Variants in FBXL17 observed in about 807,000 individuals in gnomAD.
FBXL17 encodes the protein F-box and leucine rich repeat protein 17, also known as F-box/LRR-repeat protein 17.
Under a neutral mutation model 66.2 loss-of-function variants are expected in FBXL17, and 22 were observed. The ratio of observed to expected loss-of-function variants is 0.33; its 90% CI spans 0.24 to 0.47. The LOEUF (loss-of-function observed/expected upper bound fraction) is 0.47. FBXL17 is among the 20% of genes least tolerant of loss of function. FBXL17 has a pLI of 1.00. For synonymous variants in FBXL17, 474 were observed against 400.5 expected, an observed-to-expected ratio of 1.18 and a Z score of -2.19; for missense variants, 878 against 948.2, an observed-to-expected ratio of 0.93 and a Z score of 0.97.
intron 3 of FBXL17, among the ~76,000 whole-genome samples, chr5:108,354,612 CCAAACTA>C (rs1747850262): frequency 6.6e-6 from 1 of 151,416 alleles, no homozygotes; most frequent in South Asian, 2.1e-4. Context: ...AGATCAGATA[CCAAACTA>C]CAGACCCAAG....
At chr5:107,986,462 T>C (rs1753016273) in intron 7 of FBXL17, among the ~76,000 whole-genome samples, 3 of 151,670 alleles carry the variant, frequency 2.0e-5, no homozygotes, top group Admixed American at 6.6e-5. Flanking sequence ...TATATTAATA[T>C]ATATTTATCA....
At chr5:108,038,162 G>A (rs747902542) in intron 6 of FBXL17, among the ~76,000 whole-genome samples, 3 of 152,088 alleles carry the variant, frequency 2.0e-5, no homozygotes, top group Non-Finnish European at 4.4e-5. Flanking sequence ...TGAAACACTT[G>A]ACCTAACTTG....
At chr5:108,108,714 A>G (rs1468599610) in intron 6 of FBXL17, among the ~76,000 whole-genome samples, 1 of 152,122 alleles carries the variant, frequency 6.6e-6, no homozygotes, top group East Asian at 1.9e-4. Flanking sequence ...CTTACTTAAA[A>G]CAAGGCAAGT....
chr5:108,226,979 T>C (rs1043190686), intron 4 of FBXL17, among the ~76,000 whole-genome samples: 4 of 152,158 alleles, frequency 2.6e-5, no homozygotes, highest in Non-Finnish European at 5.9e-5. Flanking sequence ...GTACTCTAGA[T>C]TGACAAATGG....
intron 7 of FBXL17, among the ~76,000 whole-genome samples, chr5:107,987,896 A>G (rs1351475859): frequency 6.6e-6 from 1 of 152,032 alleles, no homozygotes; most frequent in Admixed American, 6.6e-5. Flanking sequence ...TACAGGATGC[A>G]TTAGATGAAA....
intron 7 of FBXL17, among the ~76,000 whole-genome samples, chr5:107,984,211 C>G (rs1215006054): frequency 6.6e-6 from 1 of 151,986 alleles, no homozygotes. Flanking sequence ...TAGTAACTTC[C>G]CACAGCTGTT....
chr5:108,006,920 T>C (rs1753947750), intron 7 of FBXL17, among the ~76,000 whole-genome samples: 1 of 152,206 alleles, frequency 6.6e-6, no homozygotes, highest in African/African-American at 2.4e-5. Flanking sequence ...CACAGTGGCA[T>C]TCCAAACCAA....
At chr5:107,907,783 AG>A (rs1484862018) in intron 7 of FBXL17, among the ~76,000 whole-genome samples, 2 of 152,198 alleles carry the variant, frequency 1.3e-5, no homozygotes, top group African/African-American at 4.8e-5. Context: ...ATCATTAAAA[AG>A]TCAGGAAACA....
At chr5:108,018,787 T>C (rs1754477835) in intron 7 of FBXL17, among the ~76,000 whole-genome samples, 1 of 152,158 alleles carries the variant, frequency 6.6e-6, no homozygotes, top group Non-Finnish European at 1.5e-5. Context: ...TCCGCTCAAA[T>C]GGACAAGATC....
At chr5:108,373,505 G>A (rs544023304) in intron 1 of FBXL17, among the ~76,000 whole-genome samples, 9 of 150,806 alleles carry the variant, frequency 6.0e-5, no homozygotes, top group Non-Finnish European at 1.2e-4. Context: ...AGCATCAGAG[G>A]AATTGACAAA....
At chr5:107,874,672 C>G (rs972062476) in intron 8 of FBXL17, among the ~76,000 whole-genome samples, 3 of 152,090 alleles carry the variant, frequency 2.0e-5, no homozygotes, top group Non-Finnish European at 2.9e-5. Context: ...CCGGAAAGGA[C>G]TTTTAGTTAC....
chr5:108,362,214 T>C (rs73781340), intron 3 of FBXL17, among the ~76,000 whole-genome samples: 7,921 of 152,232 alleles, frequency 0.052, 697 homozygotes, highest in African/African-American at 0.18. Context: ...CAAAATTTAC[T>C]AATGTAACAT....
intron 7 of FBXL17, among the ~76,000 whole-genome samples, chr5:107,892,149 A>G (rs1371737442): frequency 6.6e-6 from 1 of 152,148 alleles, no homozygotes; most frequent in Non-Finnish European, 1.5e-5. Flanking sequence ...TGGCTGTATG[A>G]GAACTCTAAG....
intron 6 of FBXL17, among the ~76,000 whole-genome samples, chr5:108,107,622 C>A (rs1001511343): frequency 6.6e-6 from 1 of 151,736 alleles, no homozygotes; most frequent in Non-Finnish European, 1.5e-5. Flanking sequence ...ATCATCCTGG[C>A]TAACACGGTG....
chr5:108,052,112 CAAAAAAAAAAAA>C (rs144705189), intron 6 of FBXL17, among the ~76,000 whole-genome samples: 1 of 102,194 alleles, frequency 9.8e-6, no homozygotes, highest in East Asian at 2.9e-4. Flanking sequence ...GACTTCGTCT[CAAAAAAAAAAAA>C]AAAAAAAAAA....
chr5:108,348,207 C>A (rs60371985), intron 4 of FBXL17, among the ~76,000 whole-genome samples, 192 bp downstream of exon 4: 3,424 of 152,176 alleles, frequency 0.023, 133 homozygotes, highest in African/African-American at 0.078. Context: ...CATGCAAGTA[C>A]CACACACAAA....
intron 6 of FBXL17, among the ~76,000 whole-genome samples, chr5:108,032,335 A>G (rs1746673266): frequency 6.6e-6 from 1 of 152,144 alleles, no homozygotes; most frequent in South Asian, 2.1e-4. Context: ...TTGAGGCCCT[A>G]GCATGGAACC....
At chr5:108,283,981 G>A (rs1757801547) in intron 4 of FBXL17, among the ~76,000 whole-genome samples, 1 of 151,756 alleles carries the variant, frequency 6.6e-6, no homozygotes, top group Non-Finnish European at 1.5e-5. Context: ...GCAAAACTGC[G>A]ATGAGATGTC....
At chr5:108,164,137 T>C (rs13160886) in intron 6 of FBXL17, among the ~76,000 whole-genome samples, 50 of 152,290 alleles carry the variant, frequency 3.3e-4, no homozygotes, top group African/African-American at 1.1e-3. Context: ...AAAGCAAGAA[T>C]TGACATCACA....
Sources: gnomAD v4.1 joint callset for allele counts (sites outside exome capture counted in the v4.1 genomes callset) on GRCh38, gnomAD v4.1.1 for gene constraint, MANE v1.5 for transcripts, NCBI Gene and HGNC (gene_info 2026-07-23, HGNC 2026-07-21) for gene names.